Variants in COL23A1 observed in about 807,000 individuals in gnomAD.
COL23A1 encodes collagen alpha-1(XXIII) chain.
Under a neutral mutation model 99.3 loss-of-function variants are expected in COL23A1, and 97 were observed. That is an observed-to-expected ratio of 0.98 (90% CI 0.83 to 1.16). COL23A1 has a LOEUF of 1.16. Ranked by LOEUF, COL23A1 falls within the 50% of genes most tolerant of loss-of-function variation. The probability of loss-of-function intolerance (pLI) is 0.00; values close to 1 mark genes in which losing one functional copy is unlikely to be tolerated. For missense variants in COL23A1, 762 were observed against 757.4 expected (o/e 1.01, Z -0.07); for synonymous variants, 320 against 308.2 (o/e 1.04, Z -0.40).
At position 178,589,179 on chromosome 5, in the gene COL23A1, G is replaced by A. The variant is rs554300228; in HGVS notation, c.294+725C>T. Among the ~76,000 whole-genome samples the A allele has an allele frequency of 1.3e-5, 2 of 152,306 alleles. No individual in the cohort carries two copies. Among genetic ancestry groups the A allele is most frequent in the Non-Finnish European group, 2.9e-5 (2 of 68,028 alleles). Reference sequence around the variant, plus strand: ...CACAGAGCCTCATATGAGCTTTCAAGTAAGCTGTGGAAGTCGCGATTCCCA... The same window carrying A: ...CACAGAGCCTCATATGAGCTTTCAAATAAGCTGTGGAAGTCGCGATTCCCA... On this transcript the variant is annotated intron_variant, in intron 1 of 28. Coordinates refer to ENST00000390654, the MANE Select transcript of COL23A1 (RefSeq NM_173465.4). This position sits in a 1 kb window ranked among gnomAD's most constrained non-coding sequence, Gnocchi z 5.4.
At chr5:178,338,133 G>A (rs1760452593) in intron 2 of COL23A1, among the ~76,000 whole-genome samples, 1 of 152,184 alleles carries the variant, frequency 6.6e-6, no homozygotes, top group Non-Finnish European at 1.5e-5. Flanking sequence ...TGACTCCAGG[G>A]TCCATGCTGT....
chr5:178,289,577 G>A (rs1369739666), intron 4 of COL23A1, among the ~76,000 whole-genome samples: 1 of 152,176 alleles, frequency 6.6e-6, no homozygotes, highest in Admixed American at 6.5e-5. Flanking sequence ...TGGCAAAGAA[G>A]AAAAATGAAC....
chr5:178,287,804 C>T (rs1290439881), intron 5 of COL23A1, among the ~76,000 whole-genome samples: 1 of 152,244 alleles, frequency 6.6e-6, no homozygotes, highest in Non-Finnish European at 1.5e-5. Flanking sequence ...AGCCACGCTG[C>T]GTCTTGCTGC....
intron 2 of COL23A1, among the ~76,000 whole-genome samples, chr5:178,444,973 C>G (rs1767079063): frequency 6.6e-6 from 1 of 152,178 alleles, no homozygotes; most frequent in African/African-American, 2.4e-5. Flanking sequence ...TCTGGTACAT[C>G]ACGTGTGTTC....
At chr5:178,520,125 T>C (rs916898738) in intron 2 of COL23A1, among the ~76,000 whole-genome samples, 1 of 152,048 alleles carries the variant, frequency 6.6e-6, no homozygotes, top group Non-Finnish European at 1.5e-5. Context: ...AATGGATGGA[T>C]GGATGCATCT....
At chr5:178,550,755 GATA>G (rs899369898) in intron 2 of COL23A1, among the ~76,000 whole-genome samples, 2 of 152,112 alleles carry the variant, frequency 1.3e-5, no homozygotes, top group African/African-American at 4.8e-5. Flanking sequence ...GGGGGCGTGT[GATA>G]ATGACACCCC....
intron 2 of COL23A1, among the ~76,000 whole-genome samples, chr5:178,467,313 C>A (rs1045144337): frequency 6.6e-6 from 1 of 152,184 alleles, no homozygotes; most frequent in Non-Finnish European, 1.5e-5. Flanking sequence ...CCCTTCCCTG[C>A]CCCTGGTGGA....
intron 2 of COL23A1, among the ~76,000 whole-genome samples, chr5:178,315,737 C>T (rs1758944607): frequency 7.0e-6 from 1 of 143,478 alleles, no homozygotes; most frequent in Non-Finnish European, 1.5e-5. Flanking sequence ...GGAAAAGCAT[C>T]AACGTTTTCT....
At chr5:178,552,889 T>G (rs757623328) in intron 2 of COL23A1, among the ~76,000 whole-genome samples, 7 of 152,070 alleles carry the variant, frequency 4.6e-5, no homozygotes, top group Admixed American at 2.0e-4. Flanking sequence ...AATTTTTGTA[T>G]TTTTAGTAGA....
chr5:178,480,493 A>G (rs938666063), intron 2 of COL23A1, among the ~76,000 whole-genome samples: 14 of 152,218 alleles, frequency 9.2e-5, no homozygotes, highest in African/African-American at 3.1e-4. Flanking sequence ...AGATCCCACT[A>G]ACACCATTGC....
rs1205474101 is a variant in COL23A1 at position 178,313,352 on chromosome 5, A to G, written c.362-6433T>C. On this transcript the variant is annotated intron_variant, in intron 2 of 28. Coordinates refer to ENST00000390654, the MANE Select transcript of COL23A1 (RefSeq NM_173465.4). The surrounding 1 kb of genome is among the most constrained non-coding windows in gnomAD (Gnocchi z 4.2). ...AAGGATGGTTAAGACGGGAAATGTT[A>G]TGGTATGTGTATTTTATCACAATTA... is the stretch of plus-strand genomic sequence containing the variant. Among the ~76,000 whole-genome samples, 1 of 152,202 alleles carries G rather than the reference A, an allele frequency of 6.6e-6. No homozygotes were observed. The highest frequency in any genetic ancestry group is 1.5e-5 in the Non-Finnish European group (1 of 68,034).
intron 2 of COL23A1, among the ~76,000 whole-genome samples, chr5:178,382,210 T>C (rs954609537): frequency 2.0e-5 from 3 of 151,932 alleles, no homozygotes; most frequent in Non-Finnish European, 4.4e-5. Context: ...ACAAGAGTGG[T>C]GGGGGCACAG....
rs141271138 is a variant in COL23A1, at chr5:178,536,684, C to T, written c.361+23998G>A. Reference sequence around the variant, plus strand: ...CTGCTGCACAGGCCCATTCAGGGTGCGATGAGGGCATCCCTATGCGGCTCG... The same window carrying T: ...CTGCTGCACAGGCCCATTCAGGGTGTGATGAGGGCATCCCTATGCGGCTCG... On this transcript the variant is annotated intron_variant, in intron 2 of 28. Transcript: ENST00000390654. Among the ~76,000 whole-genome samples, 545 of 152,246 alleles carry T rather than the reference C, an allele frequency of 3.6e-3. 6 individuals carry two copies. Among genetic ancestry groups the T allele is most frequent in the Middle Eastern group, 6.8e-3 (2 of 294 alleles).
At chr5:178,417,413 A>T (rs1337396883) in intron 2 of COL23A1, among the ~76,000 whole-genome samples, 5 of 152,190 alleles carry the variant, frequency 3.3e-5, no homozygotes, top group Non-Finnish European at 1.5e-5. Flanking sequence ...GTATTTTTAC[A>T]GGTAAAGAAT....
chr5:178,315,761 A>ACT (rs1758947341), intron 2 of COL23A1, among the ~76,000 whole-genome samples: 1 of 82,662 alleles, frequency 1.2e-5, no homozygotes, highest in East Asian at 7.4e-4. Context: ...AGAAGCACTG[A>ACT]CTTTTTTTTT....
At position 178,419,135 on chromosome 5, in the gene COL23A1, C is replaced by T. The variant is rs536582717; in HGVS notation, c.362-112216G>A. 7.2e-5 allele frequency among the ~76,000 whole-genome samples: 11 copies of T among 152,326 alleles called. No homozygotes were observed. The East Asian group carries it at 1.7e-3, about 24-fold the overall frequency. ...CGCTTTTAAGGTGAGGGGCATCACCCGGTGTCTAACGTGGCTGTGGCCATG... is the reference window on the plus strand; with the variant it reads ...CGCTTTTAAGGTGAGGGGCATCACCTGGTGTCTAACGTGGCTGTGGCCATG... On this transcript the variant is annotated intron_variant, in intron 2 of 28. Coordinates refer to ENST00000390654, the MANE Select transcript of COL23A1 (RefSeq NM_173465.4).
In COL23A1 at chr5:178,365,930, C is replaced by T. The variant is rs113656251; in HGVS notation, c.362-59011G>A. On this transcript the variant is annotated intron_variant, in intron 2 of 28. Coordinates refer to ENST00000390654, the MANE Select transcript of COL23A1 (RefSeq NM_173465.4). The surrounding 1 kb of genome is among the most constrained non-coding windows in gnomAD (Gnocchi z 5.2). ...ACAGCAGGAAGGGGGGATGGTCAAGCGCACCACAGGCTTGGAAGCAGACAC... is the reference window on the plus strand; with the variant it reads ...ACAGCAGGAAGGGGGGATGGTCAAGTGCACCACAGGCTTGGAAGCAGACAC... Among the ~76,000 whole-genome samples the T allele has an allele frequency of 8.5e-5, 13 of 152,232 alleles. No individual in the cohort carries two copies. The highest frequency in any genetic ancestry group is 2.4e-4 in the African/African-American group (10 of 41,534).
Position 178,428,539 on chromosome 5 carries a change from G to C in COL23A1, c.362-121620C>G, listed in dbSNP as rs949309051. Among the ~76,000 whole-genome samples, 1 of 152,222 alleles carries C rather than the reference G, an allele frequency of 6.6e-6. No homozygotes were observed. Among genetic ancestry groups the C allele is most frequent in the African/African-American group, 2.4e-5 (1 of 41,458 alleles). ...CTCTGTGTCCAGGAGCCGCGGCAGGGTGCCCAGCGGGGCCTCTTGGATGCT... is the reference window on the plus strand; with the variant it reads ...CTCTGTGTCCAGGAGCCGCGGCAGGCTGCCCAGCGGGGCCTCTTGGATGCT... On this transcript the variant is annotated intron_variant, in intron 2 of 28. Coordinates refer to ENST00000390654, the MANE Select transcript of COL23A1 (RefSeq NM_173465.4). This position sits in a 1 kb window ranked among gnomAD's most constrained non-coding sequence, Gnocchi z 5.0.
At chr5:178,584,287 G>C (rs987146394) in intron 1 of COL23A1, among the ~76,000 whole-genome samples, 3 of 149,664 alleles carry the variant, frequency 2.0e-5, no homozygotes, top group Non-Finnish European at 4.4e-5. Flanking sequence ...TGGGATTACA[G>C]GTGTGAGCCA....
Sources: allele counts gnomAD v4.1 joint callset (sites outside exome capture counted in the v4.1 genomes callset), GRCh38; gene constraint gnomAD v4.1.1; non-coding constraint Gnocchi (gnomAD v3.1); transcripts MANE v1.5; gene names NCBI Gene and HGNC (gene_info 2026-07-23, HGNC 2026-07-21).